SORCS3: variants seen among roughly 807,000 people sequenced by gnomAD.
SORCS3 encodes VPS10 domain-containing receptor SorCS3.
A neutral mutation model predicts 146.3 loss-of-function variants in SORCS3; 57 were observed. The observed-to-expected ratio is 0.39, with a 90% CI of 0.31 to 0.49. The LOEUF (loss-of-function observed/expected upper bound fraction) is 0.49, where lower values mean the gene tolerates loss of function less well. SORCS3 is among the 20% of genes least tolerant of loss of function. The probability of loss-of-function intolerance (pLI) is 0.92; values close to 1 mark genes in which losing one functional copy is unlikely to be tolerated. For synonymous variants in SORCS3, 653 were observed against 618.5 expected (o/e 1.06, Z -0.83); for missense variants, 1,341 against 1,575.5 (o/e 0.85, Z 2.52).
rs934074966 is a variant in SORCS3, at chr10:105,119,165, G to A, written c.1212+13650G>A. On this transcript the variant is annotated intron_variant, in intron 7 of 26. Coordinates refer to ENST00000369701, the MANE Select transcript of SORCS3 (RefSeq NM_014978.3). ...CCAGCCTCTCCAGCCATGGCTGAAA[G>A]GGACCAATGTACAGCTCAGGCTGTT... Among the ~76,000 whole-genome samples, 7 of 152,302 alleles carry A rather than the reference G, an allele frequency of 4.6e-5. No homozygotes were observed. The South Asian group carries it at 1.2e-3, about 27-fold the overall frequency.
chr10:105,055,138 C>T (rs1318001098), intron 5 of SORCS3, among the ~76,000 whole-genome samples: 1 of 152,094 alleles, frequency 6.6e-6, no homozygotes, highest in East Asian at 1.9e-4. Context: ...ATTAGCTCTA[C>T]ATGTTTTTAA....
chr10:104,975,985 T>C lies in SORCS3; in HGVS notation c.796-1350T>C, dbSNP rs565466204. 7.3e-4 allele frequency among the ~76,000 whole-genome samples: 111 copies of C among 152,242 alleles called. 1 individual carries two copies. The South Asian group carries it at 1.0e-2, about 14-fold the overall frequency. ...AGAAGAAAACCTAGGCATTACCATT[T>C]AGGACATAGGCATGGGCAAGGACTT... is the stretch of plus-strand genomic sequence containing the variant. On this transcript the variant is annotated intron_variant, in intron 3 of 26. Transcript: ENST00000369701.
intron 6 of SORCS3, among the ~76,000 whole-genome samples, chr10:105,104,075 A>AT (rs11348183): frequency 6.6e-6 from 1 of 151,994 alleles, no homozygotes; most frequent in Non-Finnish European, 1.5e-5. Flanking sequence ...ATTGTTATAC[A>AT]TTTTTTTCTG....
intron 4 of SORCS3, among the ~76,000 whole-genome samples, chr10:105,019,313 G>C (rs1331500909): frequency 6.6e-6 from 1 of 152,152 alleles, no homozygotes; most frequent in Non-Finnish European, 1.5e-5. Flanking sequence ...CGTATAGTAT[G>C]TCATTCCACA....
rs150747722 is a variant in SORCS3 at position 104,942,281 on chromosome 10, T to C, written c.795+26349T>C. ...TTTGGAATATTGAAAATTTGAAGAG[T>C]TCAGTATTAATCAGATGAAAGGAAT... On this transcript the variant is annotated intron_variant, in intron 3 of 26. Coordinates refer to ENST00000369701, the MANE Select transcript of SORCS3 (RefSeq NM_014978.3). Among the ~76,000 whole-genome samples, 564 of 151,442 alleles carry C rather than the reference T, an allele frequency of 3.7e-3. 5 individuals are homozygous for C. Among genetic ancestry groups the C allele is most frequent in the African/African-American group, 0.013 (523 of 41,276 alleles).
At chr10:104,881,179 C>T (rs2018626718) in intron 2 of SORCS3, among the ~76,000 whole-genome samples, 1 of 152,180 alleles carries the variant, frequency 6.6e-6, no homozygotes. Context: ...ATTACAAACA[C>T]ACAGAGGTTT....
intron 4 of SORCS3, among the ~76,000 whole-genome samples, chr10:104,991,303 A>G (rs2054992445): frequency 6.6e-6 from 1 of 152,140 alleles, no homozygotes; most frequent in Non-Finnish European, 1.5e-5. Flanking sequence ...AACAATAGAA[A>G]TGTATGGCCT....
At chr10:104,708,185 C>T (rs2016361836) in intron 1 of SORCS3, among the ~76,000 whole-genome samples, 3 of 152,122 alleles carry the variant, frequency 2.0e-5, no homozygotes, top group African/African-American at 7.2e-5. Context: ...ATTATTATCC[C>T]CTTCTTGTGA....
At chr10:104,702,047 A>G (rs997522801) in intron 1 of SORCS3, among the ~76,000 whole-genome samples, 1 of 152,194 alleles carries the variant, frequency 6.6e-6, no homozygotes, top group Non-Finnish European at 1.5e-5. Context: ...CAATGCATAC[A>G]TGAATGGGTG....
At chr10:105,013,322 A>G (rs1167803604) in intron 4 of SORCS3, among the ~76,000 whole-genome samples, 2 of 152,114 alleles carry the variant, frequency 1.3e-5, no homozygotes, top group Non-Finnish European at 2.9e-5. Context: ...CTCTTTTAAA[A>G]TCAGGACTAA....
At chr10:104,722,790 T>G (rs577849215) in intron 1 of SORCS3, among the ~76,000 whole-genome samples, 1 of 152,238 alleles carries the variant, frequency 6.6e-6, no homozygotes, top group African/African-American at 2.4e-5. Context: ...TATTCTCTGA[T>G]GGTAGTTTGT....
At position 104,653,093 on chromosome 10, in the gene SORCS3, A is replaced by C. The variant is rs952849806; in HGVS notation, c.627+11139A>C. Among the ~76,000 whole-genome samples the C allele has an allele frequency of 2.0e-5, 3 of 152,244 alleles. No homozygotes were observed. The East Asian group carries it at 5.8e-4, about 29-fold the overall frequency. On this transcript the variant is annotated intron_variant, in intron 1 of 26. Transcript: ENST00000369701. Reference sequence around the variant, plus strand: ...ACAAAATCTACTAGCACAATAAGAAATAGATGCTATCACCAAACCTGGGTC... The same window carrying C: ...ACAAAATCTACTAGCACAATAAGAACTAGATGCTATCACCAAACCTGGGTC...
At chr10:105,220,450 A>C (rs2056694395) in intron 19 of SORCS3, among the ~76,000 whole-genome samples, 1 of 152,146 alleles carries the variant, frequency 6.6e-6, no homozygotes, top group African/African-American at 2.4e-5. Flanking sequence ...CAAGGCCCCC[A>C]AGTGATAGAA....
rs1243674861 is a variant in SORCS3, at chr10:104,642,007, TG to T, written c.627+60del. The T allele has an allele frequency of 4.2e-3, 249 of 59,834 alleles. 1 individual carries two copies. Among genetic ancestry groups the T allele is most frequent in the East Asian group, 6.4e-3 (10 of 1,556 alleles). The allele number at this position is 59,834 out of a possible 1,614,324, so 3.7% of individuals were successfully genotyped here. A position where few individuals can be genotyped will look rare whatever the true frequency, so the allele number is the denominator to read the frequency against. On this transcript the variant is annotated intron_variant, in intron 1 of 26. Transcript: ENST00000369701. ...CCTGTTTCCTGACACCGAAGGGGAA[TG>T]GGGGGGTGGGTGGGAGCGAGGGACA...
At chr10:104,964,364 T>G (rs565607484) in intron 3 of SORCS3, among the ~76,000 whole-genome samples, 1 of 152,292 alleles carries the variant, frequency 6.6e-6, no homozygotes, top group South Asian at 2.1e-4. Context: ...CCACATGATT[T>G]AAAACTACAC....
At chr10:105,061,547 G>A (rs566002805) in intron 5 of SORCS3, among the ~76,000 whole-genome samples, 42 of 151,426 alleles carry the variant, frequency 2.8e-4, no homozygotes, top group African/African-American at 9.2e-4. Context: ...CACCTGCCTC[G>A]GCCCCCCAAA....
chr10:104,719,272 C>A (rs1038613146), intron 1 of SORCS3, among the ~76,000 whole-genome samples: 1 of 152,110 alleles, frequency 6.6e-6, no homozygotes, highest in Non-Finnish European at 1.5e-5. Flanking sequence ...TTATTTTATT[C>A]CTTCCTCATT....
intron 3 of SORCS3, among the ~76,000 whole-genome samples, chr10:104,936,709 TG>T (rs1359109192): frequency 6.6e-6 from 1 of 152,260 alleles, no homozygotes; most frequent in East Asian, 1.9e-4. Flanking sequence ...CAATAAAAGC[TG>T]TTTGGGATTC....
chr10:105,225,284 A>AT (rs999907951), intron 20 of SORCS3, among the ~76,000 whole-genome samples: 3 of 151,724 alleles, frequency 2.0e-5, no homozygotes, highest in African/African-American at 4.8e-5. Context: ...ACCTAGATTC[A>AT]TTTTTTTTGG....
Sources: allele counts gnomAD v4.1 joint callset (sites outside exome capture counted in the v4.1 genomes callset), GRCh38; gene constraint gnomAD v4.1.1; transcripts MANE v1.5; gene names NCBI Gene and HGNC (gene_info 2026-07-23, HGNC 2026-07-21).